The following PACRG variants were observed in gnomAD, a reference collection of about 807,000 sequenced individuals.
PACRG encodes the protein parkin coregulated gene protein.
A neutral mutation model predicts 29.7 loss-of-function variants in PACRG; 29 were observed. That is an observed-to-expected ratio of 0.98 (90% CI 0.73 to 1.33). The LOEUF is 1.33. PACRG is among the 40% of genes most tolerant of loss of function. The probability of loss-of-function intolerance (pLI) is 0.00; values close to 1 mark genes in which losing one functional copy is unlikely to be tolerated. For missense variants in PACRG, 279 were observed against 316.2 expected (o/e 0.88, Z 0.89); for synonymous variants, 116 against 118.7 (o/e 0.98, Z 0.15).
In PACRG at chr6:162,756,974, AT is replaced by A. The variant is rs879826762; in HGVS notation, c.156+28592del. Among the ~76,000 whole-genome samples, 19 of 150,814 alleles carry A rather than the reference AT, an allele frequency of 1.3e-4. No homozygotes were observed. The East Asian group carries it at 3.3e-3, about 26-fold the overall frequency. On this transcript the variant is annotated intron_variant, in intron 1 of 4. Coordinates refer to ENST00000366888, the MANE Select transcript of PACRG (RefSeq NM_001080379.2). ...AGATTAAATACTCATATATTCTTGG[AT>A]TTTTTTTTCTGGACTCACGATTCTG...
At chr6:163,289,116 A>C (rs967063383) in intron 4 of PACRG, among the ~76,000 whole-genome samples, 4 of 152,076 alleles carry the variant, frequency 2.6e-5, no homozygotes, top group Non-Finnish European at 5.9e-5. Flanking sequence ...CACACCAACA[A>C]ATTTGGAATT....
chr6:163,280,845 A>G (rs1784202452), intron 4 of PACRG, among the ~76,000 whole-genome samples: 2 of 152,168 alleles, frequency 1.3e-5, no homozygotes, highest in South Asian at 4.1e-4. Context: ...TCCCATCTCC[A>G]GATACAGCCA....
chr6:162,932,088 A>G (rs1797893200), intron 2 of PACRG, among the ~76,000 whole-genome samples: 1 of 152,060 alleles, frequency 6.6e-6, no homozygotes, highest in Non-Finnish European at 1.5e-5. Flanking sequence ...ATAAAAAGAA[A>G]TGAATTACTG....
At chr6:163,016,610 A>G (rs1028026986) in intron 2 of PACRG, among the ~76,000 whole-genome samples, 2 of 152,132 alleles carry the variant, frequency 1.3e-5, no homozygotes, top group Non-Finnish European at 2.9e-5. Context: ...AAAGATGAAT[A>G]TGGGGTCGAA....
intron 1 of PACRG, among the ~76,000 whole-genome samples, chr6:162,729,227 G>T (rs1779549239): frequency 6.6e-6 from 1 of 152,136 alleles, no homozygotes; most frequent in Non-Finnish European, 1.5e-5. Flanking sequence ...GCAACTGTCT[G>T]GGAATGAGGC....
At chr6:162,751,631 A>G (rs536652272) in intron 1 of PACRG, among the ~76,000 whole-genome samples, 42 of 152,242 alleles carry the variant, frequency 2.8e-4, no homozygotes, top group African/African-American at 9.9e-4. Flanking sequence ...GCTAATTTCA[A>G]ATTTTCTCTG....
chr6:162,969,329 T>C (rs1412017668), intron 2 of PACRG, among the ~76,000 whole-genome samples: 4 of 152,038 alleles, frequency 2.6e-5, no homozygotes, highest in African/African-American at 9.7e-5. Flanking sequence ...TTTGATGTTA[T>C]CATCTCCAAA....
At chr6:162,818,480 G>T (rs1405481783) in intron 2 of PACRG, among the ~76,000 whole-genome samples, 1 of 152,112 alleles carries the variant, frequency 6.6e-6, no homozygotes, top group African/African-American at 2.4e-5. Flanking sequence ...ATGGCCCATT[G>T]TCTCTACCTC....
rs117651805 is a variant in PACRG, at chr6:163,064,880, G to A, written c.463+2559G>A. On this transcript the variant is annotated intron_variant, in intron 3 of 4. Transcript: ENST00000366888. ...TCTAACTAATATCTATGAAAACAAA[G>A]CAAAATGTATAAACTCACTGTGAGG... 2.1e-4 allele frequency among the ~76,000 whole-genome samples: 32 copies of A among 151,028 alleles called. No individual in the cohort carries two copies. In the East Asian group the frequency reaches 6.3e-3, roughly 30 times the overall value.
At chr6:163,103,661 A>G (rs138313498) in intron 4 of PACRG, among the ~76,000 whole-genome samples, 81 of 152,346 alleles carry the variant, frequency 5.3e-4, no homozygotes, top group African/African-American at 1.9e-3. Context: ...GGGGACGGAA[A>G]TATTGGAGGA....
chr6:162,838,833 A>T lies in PACRG; in HGVS notation c.291+24552A>T, dbSNP rs562832572. On this transcript the variant is annotated intron_variant, in intron 2 of 4. Transcript: ENST00000366888. Reference sequence around the variant, plus strand: ...GTTCAATTCCCACCTATGAGTGAGAATATGTGGTGTTTGGTTTTTTGTTCT... The same window carrying T: ...GTTCAATTCCCACCTATGAGTGAGATTATGTGGTGTTTGGTTTTTTGTTCT... 8.2e-3 allele frequency among the ~76,000 whole-genome samples: 1,185 copies of T among 145,394 alleles called. 11 individuals carry two copies. Among genetic ancestry groups the T allele is most frequent in the Middle Eastern group, 0.022 (6 of 278 alleles).
intron 2 of PACRG, among the ~76,000 whole-genome samples, chr6:163,058,901 A>C (rs1215097626): frequency 6.6e-6 from 1 of 151,894 alleles, no homozygotes; most frequent in Non-Finnish European, 1.5e-5. Context: ...CTCCGTCTCA[A>C]AAAACAAACA....
chr6:163,223,354 G>A (rs779353720), intron 4 of PACRG, among the ~76,000 whole-genome samples: 5 of 152,022 alleles, frequency 3.3e-5, no homozygotes, highest in African/African-American at 4.8e-5. Context: ...AGATTGCGCC[G>A]TTGCACTCCA....
intron 2 of PACRG, among the ~76,000 whole-genome samples, chr6:162,907,952 C>CAT: frequency 6.6e-6 from 1 of 152,254 alleles, no homozygotes; most frequent in East Asian, 1.9e-4. Flanking sequence ...ACTGAAATCT[C>CAT]ATATGCCTTG....
At chr6:163,274,688 C>G (rs1223487908) in intron 4 of PACRG, among the ~76,000 whole-genome samples, 1 of 152,156 alleles carries the variant, frequency 6.6e-6, no homozygotes, top group Non-Finnish European at 1.5e-5. Context: ...TCCTCTCCAG[C>G]ACCTGTTGTT....
At chr6:162,978,486 A>G (rs1434224030) in intron 2 of PACRG, among the ~76,000 whole-genome samples, 3 of 151,558 alleles carry the variant, frequency 2.0e-5, no homozygotes, top group Non-Finnish European at 4.4e-5. Context: ...ACACACATAC[A>G]CACACACACA....
rs529347609 is a variant in PACRG at position 163,044,193 on chromosome 6, G to A, written c.292-17957G>A. Among the ~76,000 whole-genome samples the A allele has an allele frequency of 2.2e-3, 323 of 145,360 alleles. 1 individual carries two copies. The highest frequency in any genetic ancestry group is 8.1e-3 in the African/African-American group (313 of 38,654). On this transcript the variant is annotated intron_variant, in intron 2 of 4. Coordinates refer to ENST00000366888, the MANE Select transcript of PACRG (RefSeq NM_001080379.2). ...GACTTTTTTTTTTTTTTTTGAGACAGGGTCTCACTCTGTCACCCAGGCTGG... is the reference window on the plus strand; with the variant it reads ...GACTTTTTTTTTTTTTTTTGAGACAAGGTCTCACTCTGTCACCCAGGCTGG...
chr6:163,026,893 A>T (rs1807182399), intron 2 of PACRG, among the ~76,000 whole-genome samples: 1 of 152,220 alleles, frequency 6.6e-6, no homozygotes, highest in Admixed American at 6.5e-5. Context: ...TTCCCAGGAA[A>T]AGTCTTCTTG....
At chr6:162,746,345 A>G (rs1284531793) in intron 1 of PACRG, among the ~76,000 whole-genome samples, 1 of 152,236 alleles carries the variant, frequency 6.6e-6, no homozygotes, top group Non-Finnish European at 1.5e-5. Flanking sequence ...TCACTTGAGC[A>G]CAAAAATTTT....
Sources: allele counts gnomAD v4.1 joint callset (sites outside exome capture counted in the v4.1 genomes callset), GRCh38; gene constraint gnomAD v4.1.1; transcripts MANE v1.5; gene names NCBI Gene and HGNC (gene_info 2026-07-23, HGNC 2026-07-21).